CCDC61: variants seen among roughly 807,000 people sequenced by gnomAD.
CCDC61 encodes the protein coiled-coil domain containing 61.
A neutral mutation model predicts 63.0 loss-of-function variants in CCDC61; 55 were observed. The observed-to-expected ratio is 0.87, with a 90% CI of 0.70 to 1.09. The LOEUF is 1.09. CCDC61 is among the 50% of genes least tolerant of loss of function. The pLI is 0.00. For synonymous variants in CCDC61, 270 were observed against 317.0 expected (o/e 0.85, Z 1.58); for missense variants, 651 against 731.4 (o/e 0.89, Z 1.27).
At chr19:46,011,759 A>T (rs1968832751) in intron 5 of CCDC61, among the ~76,000 whole-genome samples, 1 of 152,094 alleles carries the variant, frequency 6.6e-6, no homozygotes, top group Non-Finnish European at 1.5e-5. Context: ...ATTGCCCGGG[A>T]GCTTTGAAAA....
chr19:46,002,859 A>G, intron 1 of CCDC61, 149 bp from the exon 2 acceptor site: 2 of 707,734 alleles, frequency 2.8e-6, no homozygotes, highest in Non-Finnish European at 4.7e-6. Flanking sequence ...CATTTTCCAG[A>G]TGAGGAAACT....
Position 46,018,407 on chromosome 19 carries a change from C to T in CCDC61, c.*20C>T, listed in dbSNP as rs754544817. On this transcript the variant is annotated 3_prime_UTR_variant, in exon 14 of 14. Transcript: ENST00000595358. The surrounding 1 kb of genome is among the most constrained non-coding windows in gnomAD (Gnocchi z 4.2). ...TCATAACGTGGAGAAGGGGTACTACCCCTCCATCCCCCACCCACTTGCTGG... is the reference window on the plus strand; with the variant it reads ...TCATAACGTGGAGAAGGGGTACTACTCCTCCATCCCCCACCCACTTGCTGG... 14 of 1,539,682 alleles carry T rather than the reference C, an allele frequency of 9.1e-6. No homozygotes were observed. The highest frequency in any genetic ancestry group is 1.4e-5 in the African/African-American group (1 of 72,950).
At chr19:46,012,478 T>A (rs1238965317) in intron 5 of CCDC61, among the ~76,000 whole-genome samples, 1 of 152,076 alleles carries the variant, frequency 6.6e-6, no homozygotes. Context: ...AAACCCTGTC[T>A]CTACTAAAAA....
intron 3 of CCDC61, among the ~76,000 whole-genome samples, chr19:46,003,968 T>C (rs1968646605): frequency 6.6e-6 from 1 of 152,034 alleles, no homozygotes. Flanking sequence ...AGATGGAGTC[T>C]CGCTCTGTCG....
Position 46,018,155 on chromosome 19 carries a change from G to A in CCDC61, c.1441+5G>A, listed in dbSNP as rs1186283498. ...GGGGCTGGGTCCCCATCAAAGGTGA[G>A]CCTGGGACTCCACATCCCCTCTCCC... is the stretch of plus-strand genomic sequence containing the variant. On this transcript the variant is annotated splice_donor_5th_base_variant and intron_variant, in intron 13 of 13. Coordinates refer to ENST00000595358, the MANE Select transcript of CCDC61 (RefSeq NM_001267723.2). The surrounding 1 kb of genome is among the most constrained non-coding windows in gnomAD (Gnocchi z 4.2). 8.1e-6 allele frequency: 13 copies of A among 1,602,528 alleles called. No individual in the cohort carries two copies. Among genetic ancestry groups the A allele is most frequent in the Non-Finnish European group, 1.1e-5 (13 of 1,174,912 alleles).
chr19:46,011,186 C>T (rs140049827), intron 5 of CCDC61, among the ~76,000 whole-genome samples: 2,132 of 151,894 alleles, frequency 0.014, 21 homozygotes, highest in Middle Eastern at 0.027. Flanking sequence ...GTAGCTGGGA[C>T]TACAGGCACA....
chr19:45,999,397 G>T (rs1437830026), intron 1 of CCDC61, among the ~76,000 whole-genome samples: 4 of 151,410 alleles, frequency 2.6e-5, no homozygotes, highest in Non-Finnish European at 5.9e-5. Context: ...CGGGAAGGGG[G>T]TCATCCAGGC....
intron 5 of CCDC61, among the ~76,000 whole-genome samples, chr19:46,011,695 A>G (rs1185210237): frequency 5.3e-5 from 8 of 152,192 alleles, no homozygotes; most frequent in African/African-American, 1.9e-4. Context: ...TCTTTTATAA[A>G]GTTCTCTTCG....
At chr19:46,017,967 C>T (rs1968981531) in intron 12 of CCDC61, 111 bp from the exon 13 acceptor site, 1 of 903,052 alleles carries the variant, frequency 1.1e-6, no homozygotes, top group African/African-American at 1.7e-5. Context: ...CAGTAGGTGT[C>T]AGGCCTTATT....
intron 5 of CCDC61, among the ~76,000 whole-genome samples, chr19:46,012,272 A>G (rs1968842381): frequency 6.6e-6 from 1 of 152,176 alleles, no homozygotes; most frequent in African/African-American, 2.4e-5. Flanking sequence ...GAAAAATAAT[A>G]TACTCCAAAG....
chr19:45,995,581 G>C, intron 1 of CCDC61, 77 bp downstream of exon 1: 1 of 420,370 alleles, frequency 2.4e-6, no homozygotes, highest in South Asian at 1.7e-5. Flanking sequence ...TTCTCTCGGG[G>C]GAGAGTGGGC....
rs1469767311 is a variant in CCDC61, at chr19:46,003,043, G to A, written c.25G>A (p.Val9Met). 1 of 1,581,300 alleles carries A rather than the reference G, an allele frequency of 6.3e-7. No individual in the cohort carries two copies. The highest frequency in any genetic ancestry group is 2.3e-5 in the East Asian group (1 of 43,342). Residue 9 changes from valine (V) to methionine (M), a missense_variant, in exon 2 of 14, where the codon GTG becomes ATG. By Grantham distance (21) the Val-to-Met change is conservative (BLOSUM62 1). Coordinates refer to ENST00000595358, the MANE Select transcript of CCDC61 (RefSeq NM_001267723.2). ...CATGGACCAGCCGGCTGGCCTGCAG[G>A]TGGACTACGTCTTCCGGGGTGTGGA... MDQPAGLQ[V>M]DYVFRGVEHA...
Position 46,015,326 on chromosome 19 carries a change from C to T in CCDC61, c.763-19C>T, listed in dbSNP as rs770611535. The stretch of plus-strand genomic sequence containing the variant: ...TCGGCCTCAGCCTGGACCTCCGCGC[C>T]CCTCTCCCCTCCCGGCAGCTCGAGG... On this transcript the variant is annotated intron_variant, in intron 6 of 13. Transcript: ENST00000595358. This position sits in a 1 kb window ranked among gnomAD's most constrained non-coding sequence, Gnocchi z 5.3. 1.9e-6 allele frequency: 3 copies of T among 1,594,678 alleles called. No individual in the cohort carries two copies. Among genetic ancestry groups the T allele is most frequent in the Middle Eastern group, 2.1e-4 (1 of 4,878 alleles).
chr19:45,996,242 C>T (rs1968489680), intron 1 of CCDC61: 1 of 152,336 alleles, frequency 6.6e-6, no homozygotes, highest in African/African-American at 2.4e-5. Flanking sequence ...TGTGTATTTC[C>T]AGCCTGGATC....
chr19:46,006,487 A>C, intron 3 of CCDC61, 72 bp from the exon 4 acceptor site: 1 of 1,391,668 alleles, frequency 7.2e-7, no homozygotes, highest in East Asian at 2.6e-5. Flanking sequence ...GCTGTGGCCC[A>C]GGTGTGTGCT....
chr19:46,000,775 G>T (rs1248762892), intron 1 of CCDC61, among the ~76,000 whole-genome samples: 1 of 150,532 alleles, frequency 6.6e-6, no homozygotes, highest in African/African-American at 2.4e-5. Context: ...GGGGAATTGA[G>T]TTTAGGCAGA....
intron 3 of CCDC61, among the ~76,000 whole-genome samples, chr19:46,005,619 G>C (rs1377263256): frequency 6.6e-6 from 1 of 151,940 alleles, no homozygotes; most frequent in Non-Finnish European, 1.5e-5. Context: ...ACACCCAGTG[G>C]AAGATACAAG....
intron 5 of CCDC61, among the ~76,000 whole-genome samples, chr19:46,009,634 GC>G (rs1194878176): frequency 3.3e-5 from 5 of 152,322 alleles, no homozygotes; most frequent in Admixed American, 2.0e-4. Context: ...GTTGGTGGCT[GC>G]AAGCCCAGGA....
intron 1 of CCDC61, among the ~76,000 whole-genome samples, chr19:45,999,331 G>T (rs956863180): frequency 6.6e-6 from 1 of 151,686 alleles, no homozygotes; most frequent in African/African-American, 2.4e-5. Context: ...GTGAAGGGGG[G>T]GTTCTATCCA....
Sources: allele counts gnomAD v4.1 joint callset (sites outside exome capture counted in the v4.1 genomes callset), GRCh38; gene constraint gnomAD v4.1.1; non-coding constraint Gnocchi (gnomAD v3.1); transcripts MANE v1.5; gene names NCBI Gene and HGNC (gene_info 2026-07-23, HGNC 2026-07-21).